The following BCAS3 variants were observed in gnomAD, a reference collection of about 807,000 sequenced individuals.
BCAS3 encodes the protein BCAS3 microtubule associated cell migration factor, also known as BCAS4/BCAS3 fusion.
BCAS3 carries 53 observed loss-of-function variants against 116.1 expected under a neutral mutation model. That is an observed-to-expected ratio of 0.46 (90% CI 0.37 to 0.57). The LOEUF is 0.57. Among genes scored for constraint, BCAS3 ranks in the 20% least tolerant of loss-of-function variants. The probability of loss-of-function intolerance (pLI) is 0.00; values close to 1 mark genes in which losing one functional copy is unlikely to be tolerated. For missense variants in BCAS3, 917 were observed against 1,165.4 expected (o/e 0.79, Z 3.10); for synonymous variants, 391 against 408.2 (o/e 0.96, Z 0.51).
chr17:61,109,192 A>T (rs889458425), intron 22 of BCAS3, among the ~76,000 whole-genome samples: 1 of 151,864 alleles, frequency 6.6e-6, no homozygotes, highest in Non-Finnish European at 1.5e-5. Flanking sequence ...CTCAAAAAAA[A>T]AAAAAAAAAA....
At chr17:60,927,097 T>C (rs980534962) in intron 13 of BCAS3, among the ~76,000 whole-genome samples, 2 of 152,204 alleles carry the variant, frequency 1.3e-5, no homozygotes, top group African/African-American at 4.8e-5. Flanking sequence ...CTCAGAGTAA[T>C]AGGAAACTTA....
chr17:60,804,396 G>A (rs1461949991), intron 6 of BCAS3, among the ~76,000 whole-genome samples: 1 of 151,864 alleles, frequency 6.6e-6, no homozygotes. Flanking sequence ...CAGGAGAATC[G>A]TTTGAACCTT....
At chr17:61,059,916 C>T (rs533183854) in intron 19 of BCAS3, among the ~76,000 whole-genome samples, 1 of 151,798 alleles carries the variant, frequency 6.6e-6, no homozygotes, top group Admixed American at 6.6e-5. Context: ...ATCCCAGCCA[C>T]TCGGGAAGGC....
At chr17:60,913,468 A>G (rs2058622602) in intron 12 of BCAS3, among the ~76,000 whole-genome samples, 1 of 152,070 alleles carries the variant, frequency 6.6e-6, no homozygotes, top group Non-Finnish European at 1.5e-5. Context: ...ATTAACATGA[A>G]TCTGTTTTTT....
intron 19 of BCAS3, among the ~76,000 whole-genome samples, chr17:61,074,509 T>A (rs1055258100): frequency 2.6e-5 from 4 of 152,182 alleles, no homozygotes; most frequent in Admixed American, 2.6e-4. Flanking sequence ...TCTGGATAAA[T>A]GAATTTTTTT....
intron 22 of BCAS3, among the ~76,000 whole-genome samples, chr17:61,155,867 A>G (rs946852129): frequency 3.9e-5 from 6 of 152,216 alleles, no homozygotes; most frequent in African/African-American, 1.2e-4. Flanking sequence ...ATTTATTAAC[A>G]TAACCCTCCT....
chr17:61,340,899 G>A (rs2057102084), intron 22 of BCAS3, among the ~76,000 whole-genome samples: 4 of 152,190 alleles, frequency 2.6e-5, no homozygotes, highest in Admixed American at 2.6e-4. Context: ...GTCAGTGTGG[G>A]ATATATGAGA....
chr17:61,061,048 C>T (rs1189698285), intron 19 of BCAS3, among the ~76,000 whole-genome samples: 2 of 152,076 alleles, frequency 1.3e-5, no homozygotes, highest in East Asian at 1.9e-4. Flanking sequence ...CCTATCCTCT[C>T]GGTTTTGAGA....
intron 5 of BCAS3, among the ~76,000 whole-genome samples, chr17:60,740,516 G>GA (rs1424170019): frequency 7.0e-6 from 1 of 143,772 alleles, no homozygotes; most frequent in Non-Finnish European, 1.5e-5. Flanking sequence ...AAAAAAAAAA[G>GA]AAAAAAGAAA....
intron 5 of BCAS3, among the ~76,000 whole-genome samples, chr17:60,718,150 G>T (rs553252029): frequency 6.6e-6 from 1 of 152,332 alleles, no homozygotes; most frequent in South Asian, 2.1e-4. Flanking sequence ...GCTTTTGCTT[G>T]CCTGCTTCTC....
intron 22 of BCAS3, among the ~76,000 whole-genome samples, chr17:61,090,153 C>CT (rs1288995403): frequency 7.2e-5 from 11 of 152,272 alleles, no homozygotes; most frequent in Middle Eastern, 3.4e-3. Context: ...CTATGCAAAA[C>CT]TTTTTTTACC....
chr17:61,303,025 T>C (rs1424249766), intron 22 of BCAS3, among the ~76,000 whole-genome samples: 1 of 152,192 alleles, frequency 6.6e-6, no homozygotes, highest in Non-Finnish European at 1.5e-5. Context: ...TGTCTGCCTT[T>C]CAGACTGGCC....
rs1299403402 is a variant in BCAS3, at chr17:60,802,295, A to AAAAATATAT, written c.404-5708_404-5707insAAATATATA. Among the ~76,000 whole-genome samples, 398 of 127,904 alleles carry AAAAATATAT rather than the reference A, an allele frequency of 3.1e-3. 3 individuals carry two copies. Among genetic ancestry groups the AAAAATATAT allele is most frequent in the African/African-American group, 0.014 (374 of 27,498 alleles). The allele number at this position is 127,904 out of a possible 152,430, so 83.9% of individuals were successfully genotyped here. The stretch of plus-strand genomic sequence containing the variant: ...TGAGACTCTGTCTCAAAAAAAAAAA[A>AAAAATATAT]ATATATATATATATATATATATGCA... On this transcript the variant is annotated intron_variant, in intron 6 of 23. Coordinates refer to ENST00000407086, the MANE Select transcript of BCAS3 (RefSeq NM_017679.5).
intron 5 of BCAS3, among the ~76,000 whole-genome samples, chr17:60,738,778 A>G (rs893544499): frequency 6.6e-6 from 1 of 152,028 alleles, no homozygotes; most frequent in Non-Finnish European, 1.5e-5. Flanking sequence ...TTTCTTGTGA[A>G]AGGGTCTTGG....
At chr17:61,138,000 A>C (rs1217687271) in intron 22 of BCAS3, among the ~76,000 whole-genome samples, 1 of 152,160 alleles carries the variant, frequency 6.6e-6, no homozygotes, top group Non-Finnish European at 1.5e-5. Context: ...CAGCCTACAA[A>C]AACAAAAGAA....
chr17:61,305,741 C>A (rs946122501), intron 22 of BCAS3, among the ~76,000 whole-genome samples: 3 of 152,006 alleles, frequency 2.0e-5, no homozygotes, highest in African/African-American at 4.8e-5. Flanking sequence ...ACTAAAAATA[C>A]AAAAATTAGC....
At position 61,323,460 on chromosome 17, in the gene BCAS3, G is replaced by A. The variant is rs1256821904; in HGVS notation, c.2426-44867G>A. Reference sequence around the variant, plus strand: ...TATAATCACAGGAGTGGCCCTGAACGGACTTAGGATTTGGTTTTCTACTCT... The same window carrying A: ...TATAATCACAGGAGTGGCCCTGAACAGACTTAGGATTTGGTTTTCTACTCT... On this transcript the variant is annotated intron_variant, in intron 22 of 23. Coordinates refer to ENST00000407086, the MANE Select transcript of BCAS3 (RefSeq NM_017679.5). The surrounding 1 kb of genome is among the most constrained non-coding windows in gnomAD (Gnocchi z 4.6). 5.9e-5 allele frequency among the ~76,000 whole-genome samples: 9 copies of A among 152,182 alleles called. No homozygotes were observed. Among genetic ancestry groups the A allele is most frequent in the Non-Finnish European group, 1.2e-4 (8 of 68,032 alleles).
intron 6 of BCAS3, among the ~76,000 whole-genome samples, chr17:60,769,216 A>G (rs982385100): frequency 6.6e-6 from 1 of 152,088 alleles, no homozygotes; most frequent in African/African-American, 2.4e-5. Flanking sequence ...TAGTGCATTC[A>G]GGTGATGTCT....
chr17:60,954,701 A>G (rs753042817), intron 14 of BCAS3, among the ~76,000 whole-genome samples: 7 of 152,226 alleles, frequency 4.6e-5, no homozygotes, highest in Non-Finnish European at 7.4e-5. Flanking sequence ...ATGAGTAAAT[A>G]TGGGAATATT....
Sources: gnomAD v4.1 joint callset for allele counts (sites outside exome capture counted in the v4.1 genomes callset) on GRCh38, gnomAD v4.1.1 for gene constraint, Gnocchi (gnomAD v3.1) non-coding constraint, MANE v1.5 for transcripts, NCBI Gene and HGNC (gene_info 2026-07-23, HGNC 2026-07-21) for gene names.